The following BACC1 variants were observed in gnomAD, a reference collection of about 807,000 sequenced individuals.
The protein encoded by BACC1 is BPTF-associated chromatin complex component 1.
the BACC1 span, chr17:7,016,965 TGAAGGGCTAGGAGAAA>T: frequency 6.2e-7 from 1 of 1,613,900 alleles, no homozygotes. Flanking sequence ...TGGTGGATAT[TGAAGGGCTAGGAGAAA>T]CTCCTCCAGC....
At chr17:7,016,874 G>C in the BACC1 span, 8 of 1,587,970 alleles carry the variant, frequency 5.0e-6, no homozygotes, top group Non-Finnish European at 6.9e-6. Flanking sequence ...GAGGCTGTCA[G>C]GGGAACCTAG....
chr17:7,015,353 C>T, the BACC1 span: 3 of 1,371,506 alleles, frequency 2.2e-6, no homozygotes, highest in East Asian at 2.9e-5. Flanking sequence ...ATAGCCCAGA[C>T]TCCTGTTTCA....
the BACC1 span, chr17:7,015,941 A>G: frequency 7.2e-7 from 1 of 1,395,760 alleles, no homozygotes; most frequent in Admixed American, 1.8e-5. Context: ...CCAAGGTTCC[A>G]TCGTCCTCAG....
the BACC1 span, chr17:7,017,233 G>A: frequency 4.7e-5 from 76 of 1,613,890 alleles, no homozygotes; most frequent in Admixed American, 1.2e-4. Context: ...GCTCCATCTC[G>A]GCCCATTTTA....
At chr17:7,016,297 A>G in the BACC1 span, 5 of 592,596 alleles carry the variant, frequency 8.4e-6, no homozygotes, top group South Asian at 6.5e-5. Flanking sequence ...CCCACTACTC[A>G]GTTCAGGGAC....
At chr17:7,015,651 A>C in the BACC1 span, 1 of 1,327,852 alleles carries the variant, frequency 7.5e-7, no homozygotes. Flanking sequence ...CTCTTTATGC[A>C]TCCGTGGAAG....
chr17:7,016,920 CAG>C, the BACC1 span: 1 of 1,613,684 alleles, frequency 6.2e-7, no homozygotes, highest in Non-Finnish European at 8.5e-7. Flanking sequence ...ATGTGACACT[CAG>C]TGCTCTGAAC....
chr17:7,014,946 G>A, the BACC1 span: 1 of 1,480,848 alleles, frequency 6.8e-7, no homozygotes, highest in Non-Finnish European at 8.9e-7. The surrounding 1 kb of genome is among the most constrained non-coding windows in gnomAD (Gnocchi z 4.5). Flanking sequence ...CTTGGCTCGC[G>A]GCTCTTCCGC....
At chr17:7,015,050 C>T in the BACC1 span, 2 of 1,514,628 alleles carry the variant, frequency 1.3e-6, no homozygotes, top group Non-Finnish European at 8.8e-7. Flanking sequence ...CGTGACGCTG[C>T]CCCGCCCCCA....
chr17:7,015,949 C>T, the BACC1 span: 1 of 1,269,692 alleles, frequency 7.9e-7, no homozygotes, highest in East Asian at 2.4e-5. Flanking sequence ...CCATCGTCCT[C>T]AGAACTCCTT....
At chr17:7,014,882 C>A in the BACC1 span, 1 of 1,533,042 alleles carries the variant, frequency 6.5e-7, no homozygotes, top group Non-Finnish European at 8.7e-7. This position sits in a 1 kb window ranked among gnomAD's most constrained non-coding sequence, Gnocchi z 4.5. Flanking sequence ...CACAAAGGTT[C>A]GACCTCCCTC....
At chr17:7,016,435 C>G in the BACC1 span, 1 of 1,562,860 alleles carries the variant, frequency 6.4e-7, no homozygotes, top group South Asian at 1.2e-5. Context: ...CCCCTCCCGT[C>G]CCCTCTTCTG....
the BACC1 span, chr17:7,016,564 ACCCAAGAAAGGG>A: frequency 6.2e-7 from 1 of 1,614,102 alleles, no homozygotes; most frequent in Non-Finnish European, 8.5e-7. Flanking sequence ...CAGCTGAGTC[ACCCAAGAAAGGG>A]CCCAAGAAGG....
the BACC1 span, chr17:7,016,859 G>A: frequency 6.4e-7 from 1 of 1,567,004 alleles, no homozygotes; most frequent in Non-Finnish European, 8.8e-7. Context: ...CTTGGGGCTG[G>A]GGGAGAGGCT....
chr17:7,017,037 A>T, the BACC1 span: 2 of 1,593,974 alleles, frequency 1.3e-6, no homozygotes, highest in Admixed American at 3.3e-5. Flanking sequence ...CTCCTCCCAC[A>T]CAGCTGACGG....
the BACC1 span, chr17:7,015,307 A>G: frequency 7.2e-7 from 1 of 1,381,632 alleles, no homozygotes. Context: ...TCGTTGGGTG[A>G]GGGAATGAAT....
the BACC1 span, chr17:7,015,548 G>A: frequency 1.1e-5 from 16 of 1,420,818 alleles, no homozygotes; most frequent in Admixed American, 2.9e-4. Flanking sequence ...GGAAAGGGGT[G>A]TCTAAGGTGG....
At chr17:7,016,239 A>G in the BACC1 span, 12 of 540,986 alleles carry the variant, frequency 2.2e-5, no homozygotes, top group Middle Eastern at 9.5e-4. Flanking sequence ...TAAATCACCA[A>G]GCTCTACCTG....
At chr17:7,016,691 G>C in the BACC1 span, 1 of 1,605,766 alleles carries the variant, frequency 6.2e-7, no homozygotes, top group Non-Finnish European at 8.5e-7. Context: ...GGCTGGTGAG[G>C]GCTGTGGAGT....
Sources: allele counts gnomAD v4.1 joint callset, GRCh38; gene constraint gnomAD v4.1.1; non-coding constraint Gnocchi (gnomAD v3.1); transcripts MANE v1.5; gene names NCBI Gene and HGNC (gene_info 2026-07-23, HGNC 2026-07-21).